Variants in MALRD1 observed in about 807,000 individuals in gnomAD.
MALRD1 encodes MAM and LDL-receptor class A domain-containing protein 1.
A neutral mutation model predicts 242.1 loss-of-function variants in MALRD1; 247 were observed. The ratio of observed to expected loss-of-function variants is 1.02; its 90% confidence interval spans 0.92 to 1.13. The LOEUF (loss-of-function observed/expected upper bound fraction) is 1.13. MALRD1 is among the 50% of genes most tolerant of loss of function. The pLI, the probability that MALRD1 is intolerant of heterozygous loss-of-function variation, is 0.00. For missense variants in MALRD1, 2,989 were observed against 2,533.1 expected, an observed-to-expected ratio of 1.18 and a Z score of -3.86; for synonymous variants, 995 against 866.6, an observed-to-expected ratio of 1.15 and a Z score of -2.60.
At chr10:19,227,128 T>C (rs1231153475) in intron 18 of MALRD1, among the ~76,000 whole-genome samples, 2 of 152,080 alleles carry the variant, frequency 1.3e-5, no homozygotes, top group East Asian at 3.9e-4. Flanking sequence ...ATAGGCCTTT[T>C]TGGAGAAATT....
chr10:19,317,075 A>AT (rs952869777), intron 21 of MALRD1, among the ~76,000 whole-genome samples: 3 of 151,080 alleles, frequency 2.0e-5, no homozygotes, highest in Non-Finnish European at 4.4e-5. Context: ...AACTTAAAAA[A>AT]TTTTTTTAAA....
intron 18 of MALRD1, among the ~76,000 whole-genome samples, chr10:19,237,664 A>T (rs60829976): frequency 1.5e-4 from 15 of 101,092 alleles, no homozygotes; most frequent in Non-Finnish European, 1.9e-4. Flanking sequence ...TTATATATAA[A>T]TTATATAATT....
At chr10:19,432,740 G>C (rs867986357) in intron 28 of MALRD1, among the ~76,000 whole-genome samples, 1 of 152,114 alleles carries the variant, frequency 6.6e-6, no homozygotes, top group Non-Finnish European at 1.5e-5. Context: ...TTCTGAAAAG[G>C]CTTCTCCAAA....
At chr10:19,113,394 A>G (rs1836750639) in intron 5 of MALRD1, among the ~76,000 whole-genome samples, 1 of 151,928 alleles carries the variant, frequency 6.6e-6, no homozygotes, top group South Asian at 2.1e-4. Context: ...GGTATTATGC[A>G]AACCTCTTTT....
intron 28 of MALRD1, among the ~76,000 whole-genome samples, chr10:19,435,589 G>A (rs1231004079): frequency 6.6e-6 from 1 of 152,012 alleles, no homozygotes; most frequent in Non-Finnish European, 1.5e-5. Context: ...AATAGATTGG[G>A]GTAATATGTT....
chr10:19,327,559 A>G lies in MALRD1; in HGVS notation c.3577-4A>G, dbSNP rs1185557377. 19 of 1,545,980 alleles carry G rather than the reference A, an allele frequency of 1.2e-5. No homozygotes were observed. Among genetic ancestry groups the G allele is most frequent in the South Asian group, 4.8e-5 (4 of 83,944 alleles). On this transcript the variant is annotated splice_polypyrimidine_tract_variant and splice_region_variant and intron_variant, in intron 22 of 39. Transcript: ENST00000454679. ...AGTGCCTTTTACTTGATTTATCTCT[A>G]TAGGTGCTCATCAAGAAAGATAACG...
intron 21 of MALRD1, among the ~76,000 whole-genome samples, chr10:19,316,138 G>GTAAATTACT (rs1842696688): frequency 6.6e-6 from 1 of 150,534 alleles, no homozygotes; most frequent in African/African-American, 2.4e-5. Flanking sequence ...AAACTCCTTA[G>GTAAATTACT]TAAATTTACA....
intron 31 of MALRD1, among the ~76,000 whole-genome samples, chr10:19,516,505 T>G (rs565103133): frequency 1.1e-4 from 16 of 152,208 alleles, no homozygotes; most frequent in Non-Finnish European, 1.8e-4. Context: ...AGTCAAATTC[T>G]TTTTCTTGTC....
At chr10:19,125,904 C>T (rs781240203) in intron 7 of MALRD1, among the ~76,000 whole-genome samples, 8 of 152,034 alleles carry the variant, frequency 5.3e-5, no homozygotes, top group Admixed American at 2.6e-4. Context: ...GTTCCCTTAT[C>T]CCCTTGCAAA....
At chr10:19,057,912 G>T (rs1464226691) in intron 1 of MALRD1, among the ~76,000 whole-genome samples, 2 of 152,098 alleles carry the variant, frequency 1.3e-5, no homozygotes, top group Admixed American at 6.5e-5. Flanking sequence ...AATTAGAAAA[G>T]AATGTGATTG....
At chr10:19,126,728 G>T (rs1434375383) in intron 7 of MALRD1, among the ~76,000 whole-genome samples, 14 of 149,252 alleles carry the variant, frequency 9.4e-5, no homozygotes, top group African/African-American at 1.5e-4. Context: ...TTTATTTTTT[G>T]GGGGTAGCAG....
At chr10:19,289,539 C>A (rs955689824) in intron 21 of MALRD1, among the ~76,000 whole-genome samples, 9 of 152,254 alleles carry the variant, frequency 5.9e-5, no homozygotes, top group Non-Finnish European at 1.0e-4. Context: ...GACAATAAAT[C>A]GTGGAGAAGG....
chr10:19,607,614 C>T (rs1838699862), intron 34 of MALRD1, among the ~76,000 whole-genome samples, 163 bp from the exon 35 acceptor site: 1 of 152,018 alleles, frequency 6.6e-6, no homozygotes, highest in African/African-American at 2.4e-5. Flanking sequence ...TTAAGTTAAT[C>T]CATTTGAAAT....
chr10:19,385,809 T>G (rs182735969), intron 26 of MALRD1, among the ~76,000 whole-genome samples: 27 of 152,242 alleles, frequency 1.8e-4, no homozygotes, highest in South Asian at 2.1e-4. Flanking sequence ...TTCTGTCAAA[T>G]AAAGTTAGGA....
intron 31 of MALRD1, among the ~76,000 whole-genome samples, chr10:19,502,012 C>CAAAAAAAAAAAAAA (rs1181159875): frequency 2.5e-5 from 1 of 40,348 alleles, no homozygotes; most frequent in Non-Finnish European, 4.4e-5. Context: ...GATTCTGTCT[C>CAAAAAAAAAAAAAA]AAAAAAAAAA....
At chr10:19,149,312 G>A (rs532707925) in intron 11 of MALRD1, among the ~76,000 whole-genome samples, 9 of 152,052 alleles carry the variant, frequency 5.9e-5, no homozygotes, top group African/African-American at 1.4e-4. Flanking sequence ...TAGTAGAGCC[G>A]GAGGTTTCAC....
At chr10:19,656,529 C>T (rs894532269) in intron 36 of MALRD1, among the ~76,000 whole-genome samples, 16 of 152,082 alleles carry the variant, frequency 1.1e-4, no homozygotes, top group Admixed American at 5.2e-4. Flanking sequence ...CTCAGTATTC[C>T]TTTTGCTACT....
intron 5 of MALRD1, among the ~76,000 whole-genome samples, chr10:19,104,704 T>G (rs1397889607): frequency 1.3e-5 from 2 of 152,098 alleles, no homozygotes; most frequent in Non-Finnish European, 2.9e-5. Context: ...AAGAATTTTG[T>G]TATATTGTGG....
chr10:19,236,002 G>A (rs550020201), intron 18 of MALRD1, among the ~76,000 whole-genome samples: 31 of 152,230 alleles, frequency 2.0e-4, no homozygotes, highest in African/African-American at 7.5e-4. Context: ...AACATATAGA[G>A]ATAGCTGAAA....
Sources: allele counts gnomAD v4.1 joint callset (sites outside exome capture counted in the v4.1 genomes callset), GRCh38; gene constraint gnomAD v4.1.1; transcripts MANE v1.5; gene names NCBI Gene and HGNC (gene_info 2026-07-23, HGNC 2026-07-21).